ZP4: variants seen among roughly 807,000 people sequenced by gnomAD.
ZP4 encodes the protein zona pellucida glycoprotein 4.
A neutral mutation model predicts 62.3 loss-of-function variants in ZP4; 62 were observed. That is an observed-to-expected ratio of 0.99 (90% CI 0.81 to 1.23). The LOEUF (loss-of-function observed/expected upper bound fraction) is 1.23, where lower values mean the gene tolerates loss of function less well. Ranked by LOEUF, ZP4 falls within the 50% of genes most tolerant of loss-of-function variation. The probability of loss-of-function intolerance (pLI) is 0.00; values close to 1 mark genes in which losing one functional copy is unlikely to be tolerated. For synonymous variants in ZP4, 289 were observed against 247.3 expected, an observed-to-expected ratio of 1.17 and a Z score of -1.58; for missense variants, 774 against 656.0, an observed-to-expected ratio of 1.18 and a Z score of -1.97.
rs1177939004 is a variant in ZP4, at chr1:237,884,753, C to T, written c.1390+16G>A. The T allele has an allele frequency of 1.9e-6, 3 of 1,611,368 alleles. No individual in the cohort carries two copies. Among genetic ancestry groups the T allele is most frequent in the Admixed American group, 3.3e-5 (2 of 59,754 alleles). On this transcript the variant is annotated intron_variant, in intron 10 of 11. Transcript: ENST00000366570. ...AGATTCATTCAAATCTGTCCTCTAA[C>T]AGCTTGGTTACTCACGACTGAGATC...
At position 237,885,555 on chromosome 1, in the gene ZP4, A is replaced by G; in HGVS notation, c.996T>C (p.Gly332=). ...ACTTCACCACTGGGTAGTCACCAACACCGTAGTAAGAGCCATAGTTTTTAT... is the reference window on the plus strand; with the variant it reads ...ACTTCACCACTGGGTAGTCACCAACGCCGTAGTAAGAGCCATAGTTTTTAT... The part of the protein sequence containing the change: ...AKDKNYGSYY[G]VGDYPVVKLL... The change falls in exon 8 of 12, where the codon GGT becomes GGC. Residue 332 remains glycine (G), a synonymous_variant. Coordinates refer to ENST00000366570, the MANE Select transcript of ZP4 (RefSeq NM_021186.5). 6.2e-7 allele frequency: 1 copy of G among 1,613,762 alleles called. No homozygotes were observed. The highest frequency in any genetic ancestry group is 8.5e-7 in the Non-Finnish European group (1 of 1,179,916).
At chr1:237,884,071 CAA>C (rs1246975850) in intron 10 of ZP4, among the ~76,000 whole-genome samples, 16 of 141,256 alleles carry the variant, frequency 1.1e-4, no homozygotes, top group African/African-American at 5.4e-5. Context: ...CAAACACACA[CAA>C]ACACACACAA....
intron 1 of ZP4, 41 bp from the exon 2 acceptor site, chr1:237,890,217 T>TC: frequency 6.2e-7 from 1 of 1,612,210 alleles, no homozygotes; most frequent in Non-Finnish European, 8.5e-7. Flanking sequence ...CAGCGGTCAG[T>TC]CTCCAGTGCC....
chr1:237,889,313 G>GTTT (rs1327807113), intron 3 of ZP4, among the ~76,000 whole-genome samples: 1 of 133,022 alleles, frequency 7.5e-6, no homozygotes, highest in African/African-American at 3.2e-5. Flanking sequence ...GAGATAGGTT[G>GTTT]TATTTTTTTT....
At chr1:237,887,657 G>A (rs1665137922) in intron 4 of ZP4, 96 bp from the exon 5 acceptor site, 2 of 1,325,402 alleles carry the variant, frequency 1.5e-6, no homozygotes, top group Admixed American at 2.5e-5. Flanking sequence ...TAATCCCACT[G>A]AGAAGCTGGT....
At chr1:237,882,682 A>T in intron 11 of ZP4, 60 bp downstream of exon 11, 1 of 1,595,398 alleles carries the variant, frequency 6.3e-7, no homozygotes. Flanking sequence ...AGAAAGGAGG[A>T]AGTTGCTTTG....
intron 10 of ZP4, among the ~76,000 whole-genome samples, chr1:237,884,357 G>T (rs1486296986): frequency 6.6e-6 from 1 of 152,130 alleles, no homozygotes; most frequent in Non-Finnish European, 1.5e-5. Context: ...CTACTTAGAA[G>T]CATTGGACCC....
rs768149572 is a variant in ZP4 at position 237,889,933 on chromosome 1, C to T, written c.334G>A (p.Ala112Thr). The T allele has an allele frequency of 6.2e-7, 1 of 1,614,062 alleles. No individual in the cohort carries two copies. Among genetic ancestry groups the T allele is most frequent in the Non-Finnish European group, 8.5e-7 (1 of 1,180,012 alleles). ...ACCACCTTGTGTTCAGCCGCGCCTG[C>T]TCCTTCAACTCCAACTGGCATGATG... ...HYIMPVGVEG[A>T]GAAEHKVVTE... Residue 112 changes from alanine to threonine, a missense_variant, in exon 3 of 12, where the codon GCA becomes ACA. Physicochemically the swap from Ala to Thr is moderately conservative, Grantham distance 58 (BLOSUM62 0). Transcript: ENST00000366570.
At chr1:237,882,899 G>T in intron 10 of ZP4, 53 bp from the exon 11 acceptor site, 2 of 1,512,430 alleles carry the variant, frequency 1.3e-6, no homozygotes, top group South Asian at 1.2e-5. Flanking sequence ...ACATAGGGCA[G>T]GGATAGAAAA....
intron 10 of ZP4, among the ~76,000 whole-genome samples, chr1:237,883,984 A>T (rs2103015375): frequency 1.3e-4 from 2 of 15,974 alleles, no homozygotes; most frequent in African/African-American, 5.7e-4. Context: ...ACACACACAA[A>T]CACACACACA....
rs1558533663 is a variant in ZP4 at position 237,887,379 on chromosome 1, T to A, written c.736A>T (p.Arg246Ter). 1 of 1,613,866 alleles carries A rather than the reference T, an allele frequency of 6.2e-7. No homozygotes were observed. The highest frequency in any genetic ancestry group is 8.5e-7 in the Non-Finnish European group (1 of 1,179,908). ...AACAAAGCCCAACTGCTCACCTGTC[T>A]TGTGGTGCCACAGGAAGTAAATGGA... is the stretch of plus-strand genomic sequence containing the variant. Reference protein sequence around the residue: ...QFPFTSCGTTRQITGDRAVYE... With the variant: ...QFPFTSCGTT Residue 246 changes from arginine (R) to a stop codon, truncating the protein, a stop_gained, in exon 5 of 12, where the codon AGA (arginine) becomes TGA (stop). Transcript: ENST00000366570. LOFTEE classifies it high-confidence loss of function.
intron 4 of ZP4, 41 bp from the exon 5 acceptor site, chr1:237,887,602 C>A (rs1665136614): frequency 6.3e-7 from 1 of 1,581,366 alleles, no homozygotes; most frequent in South Asian, 1.2e-5. Flanking sequence ...TCATCTCTCC[C>A]ATTGTGGGGA....
intron 6 of ZP4, 54 bp downstream of exon 6, chr1:237,886,717 C>A: frequency 6.7e-7 from 1 of 1,492,962 alleles, no homozygotes; most frequent in Non-Finnish European, 9.3e-7. Context: ...TCAGGGCTTA[C>A]CTGAGAATGC....
rs1665078469 is a variant in ZP4 at position 237,885,497 on chromosome 1, T to C, written c.1054A>G (p.Ile352Val). 1.2e-6 allele frequency: 2 copies of C among 1,614,120 alleles called. No individual in the cohort carries two copies. The highest frequency in any genetic ancestry group is 1.7e-6 in the Non-Finnish European group (2 of 1,180,010). Residue 352 changes from isoleucine to valine, a missense_variant, in exon 8 of 12, where the codon ATC becomes GTC. Physicochemically the swap from Ile to Val is conservative, Grantham distance 29. Coordinates refer to ENST00000366570, the MANE Select transcript of ZP4 (RefSeq NM_021186.5). ...AGGTAGGGGTCTGTTCTGTGAAGGA[T>C]GGAGACCTCCACGTAAATGGGATCC... is the stretch of plus-strand genomic sequence containing the variant. ...LRDPIYVEVS[I>V]LHRTDPYLGL...
chr1:237,883,983 A>ACACACAAACACAC (rs1665013477), intron 10 of ZP4, among the ~76,000 whole-genome samples: 8 of 42,402 alleles, frequency 1.9e-4, no homozygotes, highest in South Asian at 8.6e-4. Context: ...CACACACACA[A>ACACACAAACACAC]ACACACACAC....
chr1:237,882,473 GGATACTAACAAGGCTCCAA>G lies in ZP4; in HGVS notation c.1553_1571del (p.Leu518ProfsTer?). The stretch of plus-strand genomic sequence containing the variant: ...TCTTCTGTTTCTTGACAGCCAAGTA[GGATACTAACAAGGCTCCAA>G]GGATTAAGGTCCCAGAAAGGCCTGC... On this transcript the variant is annotated frameshift_variant, in exon 12 of 12. Transcript: ENST00000366570. LOFTEE classifies it high-confidence loss of function. 5 of 1,610,010 alleles carry G rather than the reference GGATACTAACAAGGCTCCAA, an allele frequency of 3.1e-6. No homozygotes were observed. The highest frequency in any genetic ancestry group is 4.2e-6 in the Non-Finnish European group (5 of 1,179,128).
intron 11 of ZP4, 78 bp downstream of exon 11, chr1:237,882,664 A>G (rs1558529210): frequency 2.5e-6 from 4 of 1,588,536 alleles, no homozygotes; most frequent in Admixed American, 3.5e-5. Context: ...GACTAGAACA[A>G]GAGGGATAGA....
chr1:237,883,425 A>T (rs1161651401), intron 10 of ZP4, among the ~76,000 whole-genome samples: 1 of 150,768 alleles, frequency 6.6e-6, no homozygotes, highest in African/African-American at 2.5e-5. Flanking sequence ...ATAAAAAAAT[A>T]AGACAAAGGC....
chr1:237,889,780 G>A, intron 3 of ZP4, 87 bp downstream of exon 3: 6 of 1,160,856 alleles, frequency 5.2e-6, no homozygotes, highest in South Asian at 5.0e-5. Flanking sequence ...AGGTGTCACT[G>A]CACAGAGCAG....
Sources: allele counts gnomAD v4.1 joint callset (sites outside exome capture counted in the v4.1 genomes callset), GRCh38; gene constraint gnomAD v4.1.1; transcripts MANE v1.5; gene names NCBI Gene and HGNC (gene_info 2026-07-23, HGNC 2026-07-21).